The following SPAG16 variants were observed in gnomAD, a reference collection of about 807,000 sequenced individuals.
SPAG16 encodes the protein sperm associated antigen 16, also known as sperm-associated antigen 16 protein.
Under a neutral mutation model 80.4 loss-of-function variants are expected in SPAG16, and 86 were observed. The ratio of observed to expected loss-of-function variants is 1.07; its 90% CI spans 0.90 to 1.28. SPAG16 has a LOEUF of 1.28. Ranked by LOEUF, SPAG16 falls within the 50% of genes most tolerant of loss-of-function variation. The probability of loss-of-function intolerance (pLI) is 0.00; values close to 1 mark genes in which losing one functional copy is unlikely to be tolerated. For missense variants in SPAG16, 870 were observed against 765.3 expected, an observed-to-expected ratio of 1.14 and a Z score of -1.61; for synonymous variants, 294 against 265.9, an observed-to-expected ratio of 1.11 and a Z score of -1.03.
intron 7 of SPAG16, among the ~76,000 whole-genome samples, chr2:213,350,982 AC>A (rs1226438673): frequency 5.8e-5 from 8 of 138,284 alleles, no homozygotes; most frequent in East Asian, 2.2e-4. Flanking sequence ...AAAAAAAAAA[AC>A]AAAAAACAAA....
chr2:213,466,121 T>C (rs1231805650), intron 9 of SPAG16, among the ~76,000 whole-genome samples: 1 of 152,196 alleles, frequency 6.6e-6, no homozygotes, highest in Non-Finnish European at 1.5e-5. Flanking sequence ...GGACTCCAAG[T>C]TCTTCAACTC....
At chr2:213,287,474 C>T (rs2062097040) in intron 1 of SPAG16, among the ~76,000 whole-genome samples, 2 of 152,128 alleles carry the variant, frequency 1.3e-5, no homozygotes, top group Non-Finnish European at 2.9e-5. Flanking sequence ...AGACTTTGTT[C>T]AAGGAATAGT....
chr2:214,271,704 G>A (rs925058637), intron 15 of SPAG16, among the ~76,000 whole-genome samples: 17 of 152,148 alleles, frequency 1.1e-4, no homozygotes, highest in African/African-American at 3.4e-4. Context: ...GAAGGCTGAG[G>A]CAGGAGAATC....
chr2:214,335,368 T>A (rs947158923), intron 15 of SPAG16, among the ~76,000 whole-genome samples: 1 of 152,106 alleles, frequency 6.6e-6, no homozygotes, highest in Non-Finnish European at 1.5e-5. Flanking sequence ...ACACAGAATA[T>A]TGAAGTGAAG....
At chr2:213,973,146 T>C (rs1272455796) in intron 12 of SPAG16, among the ~76,000 whole-genome samples, 1 of 152,212 alleles carries the variant, frequency 6.6e-6, no homozygotes, top group Non-Finnish European at 1.5e-5. Context: ...TAAGGTTTTC[T>C]TGGGTCTTTT....
intron 15 of SPAG16, among the ~76,000 whole-genome samples, chr2:214,396,194 G>A (rs184781013): frequency 2.6e-5 from 4 of 152,016 alleles, no homozygotes; most frequent in Admixed American, 2.6e-4. Flanking sequence ...TTGGATAATA[G>A]TCCTTTATGA....
intron 10 of SPAG16, among the ~76,000 whole-genome samples, chr2:213,652,632 C>T (rs993890116): frequency 2.0e-5 from 3 of 151,976 alleles, no homozygotes; most frequent in African/African-American, 2.4e-5. Flanking sequence ...TTTGCATTTT[C>T]GTAAAGCTAA....
chr2:213,869,297 A>ATCTATATG (rs1553648828), intron 11 of SPAG16, among the ~76,000 whole-genome samples: 1 of 124,912 alleles, frequency 8.0e-6, no homozygotes, highest in South Asian at 2.7e-4. Flanking sequence ...ATATATGTAT[A>ATCTATATG]TATATATATA....
intron 11 of SPAG16, among the ~76,000 whole-genome samples, chr2:213,923,253 C>T (rs7573564): frequency 0.58 from 88,943 of 152,042 alleles, 27,845 homozygotes; most frequent in South Asian, 0.84. Context: ...AGTCTACCCA[C>T]TGGTTGAGTT....
At chr2:213,722,545 A>G (rs1297085733) in intron 10 of SPAG16, among the ~76,000 whole-genome samples, 1 of 152,210 alleles carries the variant, frequency 6.6e-6, no homozygotes, top group African/African-American at 2.4e-5. Context: ...TGTGCAGAGC[A>G]TGGGTCAAAC....
At chr2:214,388,415 AG>A (rs1700880333) in intron 15 of SPAG16, among the ~76,000 whole-genome samples, 1 of 152,210 alleles carries the variant, frequency 6.6e-6, no homozygotes, top group African/African-American at 2.4e-5. Context: ...GTATTGTTAA[AG>A]GGAAGAGGAA....
At chr2:213,389,160 A>G (rs1034771383) in intron 9 of SPAG16, among the ~76,000 whole-genome samples, 6 of 152,196 alleles carry the variant, frequency 3.9e-5, no homozygotes, top group African/African-American at 1.4e-4. Flanking sequence ...AGACCAATCA[A>G]TGGGGAAAGA....
intron 15 of SPAG16, among the ~76,000 whole-genome samples, chr2:214,191,849 T>C (rs1267777510): frequency 6.6e-6 from 1 of 151,682 alleles, no homozygotes; most frequent in African/African-American, 2.4e-5. Context: ...CTTATAAGAA[T>C]TTATTTGTGA....
At chr2:214,309,063 G>T (rs561036322) in intron 15 of SPAG16, among the ~76,000 whole-genome samples, 12 of 151,676 alleles carry the variant, frequency 7.9e-5, no homozygotes, top group Non-Finnish European at 1.3e-4. Context: ...AATCCCATAT[G>T]TCTCAGAGGT....
chr2:213,811,900 G>A (rs765997040), intron 10 of SPAG16, among the ~76,000 whole-genome samples: 6 of 152,114 alleles, frequency 3.9e-5, no homozygotes, highest in Non-Finnish European at 8.8e-5. Context: ...GATGACACGG[G>A]TACACTCAGC....
chr2:213,407,121 A>G (rs1215793627), intron 9 of SPAG16, among the ~76,000 whole-genome samples: 2 of 151,978 alleles, frequency 1.3e-5, no homozygotes, highest in Non-Finnish European at 2.9e-5. Context: ...ATCACAAACA[A>G]CCCTGCTTGC....
intron 15 of SPAG16, among the ~76,000 whole-genome samples, chr2:214,220,385 G>C (rs1559137153): frequency 6.6e-6 from 1 of 152,058 alleles, no homozygotes; most frequent in Non-Finnish European, 1.5e-5. Flanking sequence ...AGATTACCAA[G>C]GTACTGTCTG....
At chr2:213,889,150 G>A (rs1351045278) in intron 11 of SPAG16, among the ~76,000 whole-genome samples, 1 of 151,572 alleles carries the variant, frequency 6.6e-6, no homozygotes, top group Non-Finnish European at 1.5e-5. Context: ...TCAGTAAATG[G>A]CACTTTAAGA....
At chr2:213,387,567 G>C (rs2067510023) in intron 9 of SPAG16, among the ~76,000 whole-genome samples, 1 of 93,216 alleles carries the variant, frequency 1.1e-5, no homozygotes, top group African/African-American at 4.4e-5. Flanking sequence ...CCATTCTCCT[G>C]CCTCAGCCTC....
Sources: allele counts gnomAD v4.1 joint callset (sites outside exome capture counted in the v4.1 genomes callset), GRCh38; gene constraint gnomAD v4.1.1; transcripts MANE v1.5; gene names NCBI Gene and HGNC (gene_info 2026-07-23, HGNC 2026-07-21).